The following PTPRJ variants were observed in gnomAD, a reference collection of about 807,000 sequenced individuals.
The protein encoded by PTPRJ is receptor-type tyrosine-protein phosphatase eta.
In PTPRJ, 129 loss-of-function variants were observed where a neutral mutation model predicts 141.3. That is an observed-to-expected ratio of 0.91 (90% CI 0.79 to 1.06). The LOEUF (loss-of-function observed/expected upper bound fraction) is 1.06, where lower values mean the gene tolerates loss of function less well. PTPRJ is among the 50% of genes least tolerant of loss of function. The probability of loss-of-function intolerance (pLI) is 0.00; values close to 1 mark genes in which losing one functional copy is unlikely to be tolerated. For synonymous variants in PTPRJ, 610 were observed against 640.5 expected (o/e 0.95, Z 0.72); for missense variants, 1,601 against 1,679.7 (o/e 0.95, Z 0.82).
At position 48,155,799 on chromosome 11, in the gene PTPRJ, AGAT is replaced by A; in HGVS notation, c.3232_3234del (p.Asp1078del). The A allele has an allele frequency of 6.3e-7, 1 of 1,589,844 alleles. No individual in the cohort carries two copies. On this transcript the variant is annotated splice_acceptor_variant and coding_sequence_variant, in exon 20 of 25. Transcript: ENST00000418331. LOFTEE classifies it high-confidence loss of function. The stretch of plus-strand genomic sequence containing the variant: ...GGGACCTTTTTTCTTTTAATGTCAC[AGAT>A]GATATTTCCCGTGTCAAACTTTCGG...
Position 48,169,858 on chromosome 11 carries a change from G to A in PTPRJ, c.*2496G>A, listed in dbSNP as rs181281955. 6.6e-6 allele frequency: 1 copy of A among 152,216 alleles called. No individual in the cohort carries two copies. Among genetic ancestry groups the A allele is most frequent in the South Asian group, 2.1e-4 (1 of 4,832 alleles). 9.4% of individuals were successfully genotyped at this position (152,216 alleles called of 1,614,324 possible). A position where few individuals can be genotyped will look rare whatever the true frequency, so the allele number is the denominator to read the frequency against. On this transcript the variant is annotated 3_prime_UTR_variant, in exon 25 of 25. Coordinates refer to ENST00000418331, the MANE Select transcript of PTPRJ (RefSeq NM_002843.4). The stretch of plus-strand genomic sequence containing the variant: ...ATGGGAGGAACTCTTGCGGGGGAGC[G>A]GTCTGGGATTCCAAATGGGCAGGTC...
intron 1 of PTPRJ, among the ~76,000 whole-genome samples, chr11:48,109,269 C>A (rs938643403): frequency 7.6e-5 from 10 of 132,048 alleles, no homozygotes; most frequent in African/African-American, 2.5e-4. Context: ...TTTTATTCTT[C>A]GTGACGATCC....
chr11:48,060,351 T>G (rs1590452984), intron 1 of PTPRJ, among the ~76,000 whole-genome samples: 1 of 152,192 alleles, frequency 6.6e-6, no homozygotes, highest in South Asian at 2.1e-4. Flanking sequence ...GTGTGGATGG[T>G]GTACTGTAAA....
intron 1 of PTPRJ, among the ~76,000 whole-genome samples, chr11:48,006,909 AT>A (rs954039794): frequency 4.8e-4 from 72 of 150,790 alleles, no homozygotes; most frequent in African/African-American, 1.6e-3. Context: ...TGAGTCAGTC[AT>A]TTTTTTTTAA....
intron 21 of PTPRJ, among the ~76,000 whole-genome samples, chr11:48,157,580 A>T (rs536416636): frequency 6.6e-6 from 1 of 152,336 alleles, no homozygotes; most frequent in Non-Finnish European, 1.5e-5. Flanking sequence ...CTGTGGCACC[A>T]GGGTGCACAC....
At chr11:47,984,156 C>T (rs1420070807) in intron 1 of PTPRJ, among the ~76,000 whole-genome samples, 1 of 152,134 alleles carries the variant, frequency 6.6e-6, no homozygotes, top group African/African-American at 2.4e-5. Flanking sequence ...TTGGGCCCCA[C>T]GATAAAGATA....
intron 3 of PTPRJ, among the ~76,000 whole-genome samples, chr11:48,117,619 A>AAAAAC (rs1302271933): frequency 1.3e-5 from 2 of 151,236 alleles, no homozygotes; most frequent in South Asian, 2.1e-4. Context: ...CCTGTCTGAA[A>AAAAAC]AAAACAAAAC....
chr11:48,000,760 C>T (rs574864748), intron 1 of PTPRJ, among the ~76,000 whole-genome samples: 1 of 152,046 alleles, frequency 6.6e-6, no homozygotes, highest in South Asian at 2.1e-4. Flanking sequence ...TCCTTCATTT[C>T]CTCCCATCCT....
chr11:48,053,411 TATA>T (rs1565278626), intron 1 of PTPRJ, among the ~76,000 whole-genome samples: 1 of 109,180 alleles, frequency 9.2e-6, no homozygotes, highest in African/African-American at 3.7e-5. Flanking sequence ...ATATAATATA[TATA>T]AATATATATG....
In PTPRJ at chr11:48,128,980, C is replaced by T. The variant is rs1197442409; in HGVS notation, c.1357+937C>T. On this transcript the variant is annotated intron_variant, in intron 7 of 24. Coordinates refer to ENST00000418331, the MANE Select transcript of PTPRJ (RefSeq NM_002843.4). Reference sequence around the variant, plus strand: ...TATTAGTTAGGATTAGGTTCAGCCACGAATAACACCACCAAAAACAACAAC... The same window carrying T: ...TATTAGTTAGGATTAGGTTCAGCCATGAATAACACCACCAAAAACAACAAC... Among the ~76,000 whole-genome samples, 7 of 152,168 alleles carry T rather than the reference C, an allele frequency of 4.6e-5. No homozygotes were observed. In the East Asian group the frequency reaches 7.7e-4, roughly 17 times the overall value.
intron 22 of PTPRJ, among the ~76,000 whole-genome samples, chr11:48,160,710 C>T (rs1212102301): frequency 6.6e-6 from 1 of 152,034 alleles, no homozygotes; most frequent in Non-Finnish European, 1.5e-5. Flanking sequence ...CTGAGACTAT[C>T]CTAAGGAAAT....
At chr11:48,090,306 G>A (rs1855834836) in intron 1 of PTPRJ, among the ~76,000 whole-genome samples, 1 of 152,088 alleles carries the variant, frequency 6.6e-6, no homozygotes, top group Non-Finnish European at 1.5e-5. Flanking sequence ...CCAAACACTT[G>A]CTACTCAGGC....
chr11:48,062,019 C>A (rs1268993476), intron 1 of PTPRJ, among the ~76,000 whole-genome samples: 5 of 151,604 alleles, frequency 3.3e-5, no homozygotes, highest in African/African-American at 1.2e-4. Context: ...ATCCCCCCAC[C>A]TCAGCCTCCT....
In PTPRJ at chr11:48,128,159, C is replaced by T. The variant is rs548497527; in HGVS notation, c.1357+116C>T. The stretch of plus-strand genomic sequence containing the variant: ...TGTTGGCTGACCACACGCCAAGCTT[C>T]GTGTGACATGCTTTCCTTGCACTGG... On this transcript the variant is annotated intron_variant, in intron 7 of 24. Transcript: ENST00000418331. 3.5e-5 allele frequency: 46 copies of T among 1,313,494 alleles called. No homozygotes were observed. In the South Asian group the frequency reaches 4.5e-4, roughly 13 times the overall value. 81.4% of individuals were successfully genotyped at this position (1,313,494 alleles called of 1,614,324 possible).
intron 21 of PTPRJ, among the ~76,000 whole-genome samples, chr11:48,159,122 G>T (rs1483025299): frequency 9.4e-4 from 5 of 5,298 alleles, no homozygotes; most frequent in East Asian, 0.053. Context: ...GTGTATGTGG[G>T]GTGTGTGTGT....
At chr11:48,039,464 GGT>G (rs67338648) in intron 1 of PTPRJ, among the ~76,000 whole-genome samples, 87,690 of 146,198 alleles carry the variant, frequency 0.6, 27,023 homozygotes, top group East Asian at 0.7. Context: ...ACAACACTAT[GGT>G]GTGTGTGTGT....
At chr11:48,028,563 G>A (rs545587705) in intron 1 of PTPRJ, among the ~76,000 whole-genome samples, 1 of 152,318 alleles carries the variant, frequency 6.6e-6, no homozygotes, top group Admixed American at 6.5e-5. Context: ...GGCTGAGGTG[G>A]GTGGCTCACC....
chr11:47,989,380 C>T (rs1321848906), intron 1 of PTPRJ, among the ~76,000 whole-genome samples: 2 of 151,756 alleles, frequency 1.3e-5, no homozygotes, highest in Admixed American at 6.6e-5. Flanking sequence ...GATTCTCCTG[C>T]CTCAGCTTTC....
chr11:48,066,759 T>A (rs1244803138), intron 1 of PTPRJ, among the ~76,000 whole-genome samples: 2 of 152,024 alleles, frequency 1.3e-5, no homozygotes, highest in East Asian at 1.9e-4. Context: ...CTAATTTTTT[T>A]ATTTGTAGTA....
Sources: gnomAD v4.1 joint callset for allele counts (sites outside exome capture counted in the v4.1 genomes callset) on GRCh38, gnomAD v4.1.1 for gene constraint, MANE v1.5 for transcripts, NCBI Gene and HGNC (gene_info 2026-07-23, HGNC 2026-07-21) for gene names.